PCDH15: variants seen among roughly 807,000 people sequenced by gnomAD.
PCDH15 encodes protocadherin-15.
PCDH15 carries 129 observed loss-of-function variants against 178.5 expected under a neutral mutation model. The observed-to-expected ratio is 0.72, with a 90% confidence interval of 0.63 to 0.84. PCDH15 has a LOEUF of 0.84. PCDH15 is among the 40% of genes least tolerant of loss of function. The pLI is 0.00. For missense variants in PCDH15, 2,230 were observed against 2,099.9 expected (o/e 1.06, Z -1.21); for synonymous variants, 800 against 732.0 (o/e 1.09, Z -1.50).
chr10:55,179,789 G>A (rs1387899469), intron 1 of PCDH15, among the ~76,000 whole-genome samples: 2 of 151,894 alleles, frequency 1.3e-5, no homozygotes, highest in African/African-American at 2.4e-5. Flanking sequence ...GCAGGTGGCA[G>A]GAGTAAAAGA....
At chr10:54,058,608 T>G (rs2093948876) in intron 18 of PCDH15, among the ~76,000 whole-genome samples, 1 of 152,132 alleles carries the variant, frequency 6.6e-6, no homozygotes, top group African/African-American at 2.4e-5. Flanking sequence ...CCAAACCATA[T>G]CGGTCATATC....
intron 25 of PCDH15, among the ~76,000 whole-genome samples, chr10:53,910,331 T>C (rs1214871876): frequency 6.6e-6 from 1 of 152,140 alleles, no homozygotes; most frequent in African/African-American, 2.4e-5. Context: ...CAGCAATATT[T>C]GCTGTGCTGA....
chr10:54,625,910 T>C (rs2093532994), intron 2 of PCDH15, among the ~76,000 whole-genome samples: 1 of 152,124 alleles, frequency 6.6e-6, no homozygotes, highest in Admixed American at 6.6e-5. Context: ...TTGAATAGCT[T>C]TGACAAAAAT....
At chr10:55,624,385 A>C (rs1837479003) in intron 2 of PCDH15, among the ~76,000 whole-genome samples, 1 of 151,232 alleles carries the variant, frequency 6.6e-6, no homozygotes, top group Non-Finnish European at 1.5e-5. Flanking sequence ...TCATTAAAGC[A>C]TGCAAGCTGC....
At chr10:54,448,263 C>T (rs550728141) in intron 3 of PCDH15, among the ~76,000 whole-genome samples, 1 of 151,748 alleles carries the variant, frequency 6.6e-6, no homozygotes, top group Admixed American at 6.6e-5. Flanking sequence ...CATTAATTGT[C>T]TTATCTATTG....
At chr10:54,429,158 AAG>A (rs1396729135) in intron 3 of PCDH15, among the ~76,000 whole-genome samples, 1 of 152,210 alleles carries the variant, frequency 6.6e-6, no homozygotes, top group East Asian at 1.9e-4. Flanking sequence ...CATCAAGAGA[AAG>A]AGCAATAAGT....
intron 2 of PCDH15, among the ~76,000 whole-genome samples, chr10:55,081,586 C>T (rs965368054): frequency 9.2e-5 from 14 of 152,004 alleles, no homozygotes; most frequent in African/African-American, 3.4e-4. Context: ...ATGCCGGAGC[C>T]CTCATGAGTG....
intron 5 of PCDH15, among the ~76,000 whole-genome samples, chr10:54,367,848 T>G (rs1031469519): frequency 5.3e-5 from 8 of 151,600 alleles, no homozygotes; most frequent in Non-Finnish European, 8.8e-5. Flanking sequence ...TATATATATA[T>G]AGATTCTGTA....
At chr10:54,859,022 A>C (rs1461603045) in intron 3 of PCDH15, among the ~76,000 whole-genome samples, 1 of 152,076 alleles carries the variant, frequency 6.6e-6, no homozygotes, top group Admixed American at 6.6e-5. Context: ...ATGGTAGTTA[A>C]ATCAGCATGG....
At chr10:54,716,714 C>G (rs1234898114) in intron 1 of PCDH15, among the ~76,000 whole-genome samples, 2 of 151,952 alleles carry the variant, frequency 1.3e-5, no homozygotes, top group African/African-American at 4.8e-5. Flanking sequence ...AATGCCATCC[C>G]CATCAAGCTA....
chr10:54,658,257 G>A (rs760364358), intron 2 of PCDH15, among the ~76,000 whole-genome samples: 5 of 152,018 alleles, frequency 3.3e-5, no homozygotes, highest in Non-Finnish European at 7.4e-5. Flanking sequence ...TGTCAGAGAG[G>A]AGGACATCCA....
chr10:54,454,993 C>T (rs2076727027), intron 3 of PCDH15, among the ~76,000 whole-genome samples: 1 of 152,016 alleles, frequency 6.6e-6, no homozygotes, highest in Non-Finnish European at 1.5e-5. Context: ...TCATGCTGTT[C>T]TTGTGATAGT....
chr10:55,100,492 T>C (rs1027570018), intron 2 of PCDH15, among the ~76,000 whole-genome samples: 3 of 152,126 alleles, frequency 2.0e-5, no homozygotes, highest in African/African-American at 7.2e-5. Flanking sequence ...TATTAGTTTA[T>C]GGTTGTGCAG....
intron 2 of PCDH15, among the ~76,000 whole-genome samples, chr10:55,448,069 A>G (rs1456489066): frequency 6.6e-6 from 1 of 152,014 alleles, no homozygotes; most frequent in African/African-American, 2.4e-5. Flanking sequence ...GTACTATTCA[A>G]CATCTAAATC....
chr10:55,519,899 A>G (rs1413145484), intron 2 of PCDH15, among the ~76,000 whole-genome samples: 3 of 151,210 alleles, frequency 2.0e-5, no homozygotes, highest in Non-Finnish European at 1.5e-5. Context: ...AATGTTTAAT[A>G]GATATGTGAT....
intron 13 of PCDH15, among the ~76,000 whole-genome samples, chr10:54,159,238 C>T (rs1039273195): frequency 2.0e-5 from 3 of 151,930 alleles, no homozygotes; most frequent in African/African-American, 7.3e-5. Flanking sequence ...CTTTGGGGAG[C>T]AATTGGCAAA....
intron 10 of PCDH15, among the ~76,000 whole-genome samples, chr10:54,196,509 AT>A (rs2049677555): frequency 6.6e-6 from 1 of 152,210 alleles, no homozygotes. Context: ...TAGTCAGAAA[AT>A]TCAAATGGAG....
chr10:54,516,006 T>C (rs1407403426), intron 3 of PCDH15, among the ~76,000 whole-genome samples: 1 of 151,998 alleles, frequency 6.6e-6, no homozygotes, highest in Non-Finnish European at 1.5e-5. Flanking sequence ...TACATCACCA[T>C]CATCAAAGAC....
chr10:55,067,680 T>C (rs1841601679), intron 2 of PCDH15, among the ~76,000 whole-genome samples: 2 of 150,506 alleles, frequency 1.3e-5, no homozygotes. Flanking sequence ...CTTTCTATGG[T>C]GGTTGTACTA....
Sources: allele counts gnomAD v4.1 joint callset (sites outside exome capture counted in the v4.1 genomes callset), GRCh38; gene constraint gnomAD v4.1.1; transcripts MANE v1.5; gene names NCBI Gene and HGNC (gene_info 2026-07-23, HGNC 2026-07-21).